The following KIF1B variants were observed in gnomAD, a reference collection of about 807,000 sequenced individuals.
KIF1B encodes the protein kinesin-like protein KIF1B.
A neutral mutation model predicts 241.9 loss-of-function variants in KIF1B; 76 were observed. That is an observed-to-expected ratio of 0.31 (90% CI 0.26 to 0.38). The LOEUF (loss-of-function observed/expected upper bound fraction) is 0.38, where lower values mean the gene tolerates loss of function less well. Ranked by LOEUF, KIF1B falls within the 10% of genes least tolerant of loss-of-function variation. The pLI is 1.00. For missense variants in KIF1B, 1,622 were observed against 2,271.4 expected, an observed-to-expected ratio of 0.71 and a Z score of 5.81; for synonymous variants, 750 against 796.7, an observed-to-expected ratio of 0.94 and a Z score of 0.99.
chr1:10,309,020 G>T (rs940585733), intron 22 of KIF1B, among the ~76,000 whole-genome samples: 1 of 152,148 alleles, frequency 6.6e-6, no homozygotes, highest in African/African-American at 2.4e-5. Context: ...GAGTGACTCT[G>T]CAGGTTTTCT....
intron 15 of KIF1B, 123 bp downstream of exon 15, chr1:10,282,656 C>T: frequency 1.2e-6 from 1 of 835,148 alleles, no homozygotes; most frequent in Non-Finnish European, 2.0e-6. Flanking sequence ...TAGAAGTGTC[C>T]TGAAAATTGA....
At chr1:10,352,238 C>T (rs903326065) in intron 37 of KIF1B, among the ~76,000 whole-genome samples, 13 of 130,064 alleles carry the variant, frequency 1.0e-4, no homozygotes, top group Admixed American at 3.2e-4. Flanking sequence ...TGGATTGGAA[C>T]GGGGAGGTGT....
At chr1:10,274,541 A>G (rs562833475) in intron 10 of KIF1B, among the ~76,000 whole-genome samples, 1 of 152,192 alleles carries the variant, frequency 6.6e-6, no homozygotes, top group African/African-American at 2.4e-5. Flanking sequence ...TTTTGGCATA[A>G]TTTCCTTTCA....
At chr1:10,224,938 C>T (rs1261178416) in intron 1 of KIF1B, among the ~76,000 whole-genome samples, 1 of 152,128 alleles carries the variant, frequency 6.6e-6, no homozygotes, top group Non-Finnish European at 1.5e-5. Flanking sequence ...TGAAACTGTT[C>T]CACCTCAGAT....
At chr1:10,361,246 A>G (rs1638413271) in intron 39 of KIF1B, among the ~76,000 whole-genome samples, 1 of 152,236 alleles carries the variant, frequency 6.6e-6, no homozygotes, top group Non-Finnish European at 1.5e-5. Flanking sequence ...TCAAAAAATC[A>G]CATGACTCAT....
intron 11 of KIF1B, among the ~76,000 whole-genome samples, chr1:10,275,863 G>T (rs1352724001): frequency 1.3e-5 from 2 of 151,418 alleles, no homozygotes; most frequent in Admixed American, 1.3e-4. Flanking sequence ...CCTCGTTGCT[G>T]ATGTTTTCAG....
intron 29 of KIF1B, 125 bp downstream of exon 29, chr1:10,336,867 A>G: frequency 9.3e-6 from 10 of 1,079,140 alleles, no homozygotes; most frequent in Non-Finnish European, 1.4e-5. Context: ...GTTCAATAGA[A>G]TATGGGACAT....
At chr1:10,305,550 T>C (rs1035036314) in intron 22 of KIF1B, 1 of 1,059,686 alleles carries the variant, frequency 9.4e-7, no homozygotes, top group Middle Eastern at 4.2e-4. Flanking sequence ...CTACAGCATA[T>C]GGCTCTGTGG....
intron 1 of KIF1B, 66 bp from the exon 2 acceptor site, chr1:10,232,184 T>C (rs1194936791): frequency 4.6e-6 from 3 of 646,604 alleles, no homozygotes; most frequent in Non-Finnish European, 2.8e-6. Context: ...GTAGTTCTTA[T>C]GCTTAAGTTA....
At chr1:10,231,782 C>T (rs1646986956) in intron 1 of KIF1B, among the ~76,000 whole-genome samples, 1 of 152,020 alleles carries the variant, frequency 6.6e-6, no homozygotes, top group Non-Finnish European at 1.5e-5. Context: ...TTGTGTTTTT[C>T]ATTTATTATT....
intron 25 of KIF1B, 65 bp downstream of exon 25, chr1:10,324,127 G>A (rs2102299181): frequency 7.8e-6 from 9 of 1,156,864 alleles, no homozygotes; most frequent in Non-Finnish European, 1.0e-5. Context: ...GCTCAAGTGA[G>A]CTCCCTCCAG....
At chr1:10,289,984 A>G (rs928252273) in intron 15 of KIF1B, among the ~76,000 whole-genome samples, 6 of 152,218 alleles carry the variant, frequency 3.9e-5, no homozygotes, top group Non-Finnish European at 7.3e-5. Flanking sequence ...GTTCTCTGAC[A>G]TATCCATAGG....
chr1:10,323,575 T>C lies in KIF1B; in HGVS notation c.2359-309T>C, dbSNP rs1651606136. ...AGGTGGAGGCTACAGTGCTCTGTGA[T>C]TGCATCACTGCACCCAGCCTGGGTG... On this transcript the variant is annotated intron_variant, in intron 24 of 48. Coordinates refer to ENST00000676179, the MANE Select transcript of KIF1B (RefSeq NM_001365951.3). 4.6e-5 allele frequency among the ~76,000 whole-genome samples: 7 copies of C among 152,154 alleles called. 1 individual carries two copies. Among genetic ancestry groups the C allele is most frequent in the Admixed American group, 4.6e-4 (7 of 15,276 alleles).
chr1:10,246,375 C>G (rs1647212132), intron 2 of KIF1B, among the ~76,000 whole-genome samples: 1 of 152,174 alleles, frequency 6.6e-6, no homozygotes, highest in East Asian at 1.9e-4. Context: ...CTACTCTAGT[C>G]AAGATAAGTA....
intron 10 of KIF1B, among the ~76,000 whole-genome samples, chr1:10,275,088 A>G (rs574017736): frequency 1.3e-5 from 2 of 152,316 alleles, no homozygotes; most frequent in African/African-American, 4.8e-5. Context: ...TGGGTCAGGA[A>G]AATAAGTTGT....
intron 8 of KIF1B, 31 bp from the exon 9 acceptor site, chr1:10,272,207 TTCA>T (rs1353584303): frequency 1.6e-6 from 2 of 1,239,136 alleles, no homozygotes; most frequent in Non-Finnish European, 2.4e-6. Context: ...GTAGAAATTC[TTCA>T]TCATTCTTTC....
intron 17 of KIF1B, 71 bp from the exon 18 acceptor site, chr1:10,295,015 T>C (rs1650192209): frequency 2.1e-6 from 2 of 973,106 alleles, no homozygotes; most frequent in Middle Eastern, 2.1e-4. Flanking sequence ...TGGCCTCTTG[T>C]AGGCCCCTGT....
chr1:10,381,549 C>T lies in KIF1B; in HGVS notation c.*4962C>T, dbSNP rs769508413. On this transcript the variant is annotated 3_prime_UTR_variant, in exon 49 of 49. Coordinates refer to ENST00000676179, the MANE Select transcript of KIF1B (RefSeq NM_001365951.3). ...AACTGTGTGTGGTAACCTTGCGTCACGGAGCTGTTAGTGAACGAGGTAAAA... is the reference window on the plus strand; with the variant it reads ...AACTGTGTGTGGTAACCTTGCGTCATGGAGCTGTTAGTGAACGAGGTAAAA... 5 of 197,400 alleles carry T rather than the reference C, an allele frequency of 2.5e-5. No individual in the cohort carries two copies. The highest frequency in any genetic ancestry group is 1.9e-4 in the South Asian group (1 of 5,210). 12.2% of individuals were successfully genotyped at this position (197,400 alleles called of 1,614,324 possible). A position where few individuals can be genotyped will look rare whatever the true frequency, so the allele number is the denominator to read the frequency against.
chr1:10,375,798 T>G (rs1192679705), intron 48 of KIF1B, among the ~76,000 whole-genome samples: 16 of 131,784 alleles, frequency 1.2e-4, no homozygotes, highest in African/African-American at 4.3e-4. Flanking sequence ...TTTTTTTTTT[T>G]TTTTTTTTTT....
Sources: gnomAD v4.1 joint callset for allele counts (sites outside exome capture counted in the v4.1 genomes callset) on GRCh38, gnomAD v4.1.1 for gene constraint, MANE v1.5 for transcripts, NCBI Gene and HGNC (gene_info 2026-07-23, HGNC 2026-07-21) for gene names.